Variants in MACROH2A2 observed in about 807,000 individuals in gnomAD.
MACROH2A2 encodes macroH2A.2 histone, also known as core histone macro-H2A.2.
Under a neutral mutation model 37.6 loss-of-function variants are expected in MACROH2A2, and 6 were observed. The ratio of observed to expected loss-of-function variants is 0.16; its 90% CI spans 0.09 to 0.32. The LOEUF (loss-of-function observed/expected upper bound fraction) is 0.32. Among genes scored for constraint, MACROH2A2 ranks in the 10% least tolerant of loss-of-function variants. The pLI is 1.00. For missense variants in MACROH2A2, 290 were observed against 485.9 expected, an observed-to-expected ratio of 0.60 and a Z score of 3.79; for synonymous variants, 192 against 202.7, an observed-to-expected ratio of 0.95 and a Z score of 0.45.
chr10:70,086,465 G>A (rs1045363486), intron 2 of MACROH2A2, among the ~76,000 whole-genome samples: 11 of 152,020 alleles, frequency 7.2e-5, no homozygotes, highest in East Asian at 1.9e-4. Context: ...CTTCAGTCTC[G>A]TCCTATGCTA....
intron 8 of MACROH2A2, among the ~76,000 whole-genome samples, chr10:70,110,913 G>A (rs1194098121): frequency 6.6e-6 from 1 of 151,766 alleles, no homozygotes. Flanking sequence ...TTTAAAAAAA[G>A]TATAATAAAA....
Position 70,091,778 on chromosome 10 carries a change from G to A in MACROH2A2, c.301G>A (p.Ala101Thr), listed in dbSNP as rs763894116. ...LNQLLKGVTI[A>T]SGGVLPRIHP... ...TCAGCTGCTAAAAGGAGTGACCATC[G>A]CCAGTGGAGGCGTCCTGCCCAGAAT... The change falls in exon 4 of 9, where the codon GCC becomes ACC. Residue 101 changes from alanine to threonine, a missense_variant. This residue lies in a region of MACROH2A2 where 83 missense variants were observed against 159.9 expected (regional missense o/e 0.52). Transcript: ENST00000373255. 11 of 1,613,456 alleles carry A rather than the reference G, an allele frequency of 6.8e-6. No individual in the cohort carries two copies. Among genetic ancestry groups the A allele is most frequent in the Admixed American group, 1.7e-5 (1 of 59,952 alleles).
intron 1 of MACROH2A2, among the ~76,000 whole-genome samples, chr10:70,066,550 C>G (rs1336879085): frequency 6.6e-6 from 1 of 152,104 alleles, no homozygotes; most frequent in Non-Finnish European, 1.5e-5. Flanking sequence ...GAGAATAACC[C>G]CTCTGCAAAC....
chr10:70,082,472 C>G (rs1649563591), intron 2 of MACROH2A2, among the ~76,000 whole-genome samples: 3 of 151,192 alleles, frequency 2.0e-5, no homozygotes, highest in South Asian at 2.1e-4. Flanking sequence ...AGGACGCAAA[C>G]AGATATTTGT....
Position 70,075,390 on chromosome 10 carries a change from G to GT in MACROH2A2, c.-59-209dup, listed in dbSNP as rs1461946403. On this transcript the variant is annotated intron_variant, in intron 1 of 8. Coordinates refer to ENST00000373255, the MANE Select transcript of MACROH2A2 (RefSeq NM_018649.3). The surrounding 1 kb of genome is among the most constrained non-coding windows in gnomAD (Gnocchi z 5.0). ...TTCCTCTTGAGGTCAGGCTGCTTTG[G>GT]TGGGGGAGGGATGTTTGTGGGTGGG... is the stretch of plus-strand genomic sequence containing the variant. 6.6e-6 allele frequency among the ~76,000 whole-genome samples: 1 copy of GT among 152,166 alleles called. No homozygotes were observed. The highest frequency in any genetic ancestry group is 2.4e-5 in the African/African-American group (1 of 41,438).
chr10:70,064,021 T>C (rs1341434517), intron 1 of MACROH2A2, among the ~76,000 whole-genome samples: 1 of 152,196 alleles, frequency 6.6e-6, no homozygotes. Context: ...TTCCAGCAAT[T>C]TGGTGTTTAG....
intron 1 of MACROH2A2, among the ~76,000 whole-genome samples, chr10:70,063,121 G>C (rs139168129): frequency 1.6e-3 from 243 of 152,244 alleles, no homozygotes; most frequent in African/African-American, 5.5e-3. Context: ...TTAAAATGTG[G>C]AAAAGTTGAG....
chr10:70,083,688 G>A (rs547439534), intron 2 of MACROH2A2, among the ~76,000 whole-genome samples: 1 of 151,548 alleles, frequency 6.6e-6, no homozygotes, highest in South Asian at 2.1e-4. Context: ...AGGTTCACAT[G>A]TGATCATGAT....
chr10:70,109,316 A>T, intron 8 of MACROH2A2, 109 bp downstream of exon 8: 1 of 910,110 alleles, frequency 1.1e-6, no homozygotes, highest in Non-Finnish European at 1.8e-6. Flanking sequence ...AGCACAGCCA[A>T]GTATGCTGAC....
intron 2 of MACROH2A2, among the ~76,000 whole-genome samples, chr10:70,089,102 C>T (rs1164570144): frequency 6.6e-6 from 1 of 151,996 alleles, no homozygotes; most frequent in Non-Finnish European, 1.5e-5. Context: ...AGCAAGACTC[C>T]GTCTCAACAA....
rs1418419177 is a variant in MACROH2A2, at chr10:70,095,633, CA to C, written c.589-20del. On this transcript the variant is annotated intron_variant, in intron 5 of 8. Coordinates refer to ENST00000373255, the MANE Select transcript of MACROH2A2 (RefSeq NM_018649.3). ...AGAATTTTATCTTTTCCACATTCACCACCTTTTCTTCCTAATGCAGCTGTCC... is the reference window on the plus strand; with the variant it reads ...AGAATTTTATCTTTTCCACATTCACCCCTTTTCTTCCTAATGCAGCTGTCC... 1 of 1,108,308 alleles carries C rather than the reference CA, an allele frequency of 9.0e-7. No homozygotes were observed. The highest frequency in any genetic ancestry group is 1.4e-6 in the Non-Finnish European group (1 of 727,338). 68.7% of individuals were successfully genotyped at this position (1,108,308 alleles called of 1,614,324 possible). A position where few individuals can be genotyped will look rare whatever the true frequency, so the allele number is the denominator to read the frequency against.
intron 1 of MACROH2A2, among the ~76,000 whole-genome samples, chr10:70,067,822 C>T (rs529126679): frequency 3.5e-4 from 53 of 152,222 alleles, no homozygotes; most frequent in African/African-American, 1.1e-3. Context: ...TACAGTATTA[C>T]TTCAAGTTTC....
At chr10:70,066,384 A>G (rs1352636910) in intron 1 of MACROH2A2, among the ~76,000 whole-genome samples, 1 of 152,230 alleles carries the variant, frequency 6.6e-6, no homozygotes, top group Non-Finnish European at 1.5e-5. Context: ...GAGTTACATC[A>G]GGTGGATACC....
intron 4 of MACROH2A2, among the ~76,000 whole-genome samples, chr10:70,092,583 CT>C: frequency 6.6e-6 from 1 of 152,312 alleles, no homozygotes; most frequent in East Asian, 1.9e-4. Flanking sequence ...TAGCAGACAC[CT>C]CTGAAGGACC....
rs140874851 is a variant in MACROH2A2, at chr10:70,110,791, A to G, written c.954-727A>G. 3.3e-4 allele frequency among the ~76,000 whole-genome samples: 51 copies of G among 152,336 alleles called. 1 individual carries two copies. In the East Asian group the frequency reaches 9.2e-3, roughly 28 times the overall value. ...TCCCAGCTACTGAGGAGGCTGAGGC[A>G]GAAGACAGATAGCTTGAGCCCAGAG... On this transcript the variant is annotated intron_variant, in intron 8 of 8. Coordinates refer to ENST00000373255, the MANE Select transcript of MACROH2A2 (RefSeq NM_018649.3).
chr10:70,104,135 G>A (rs1317743793), intron 7 of MACROH2A2, among the ~76,000 whole-genome samples: 1 of 152,196 alleles, frequency 6.6e-6, no homozygotes, highest in African/African-American at 2.4e-5. Context: ...GAGATGGTTC[G>A]CCACTGTCTA....
intron 8 of MACROH2A2, 49 bp downstream of exon 8, chr10:70,109,256 A>G (rs1478231172): frequency 1.3e-6 from 2 of 1,496,176 alleles, no homozygotes; most frequent in South Asian, 1.1e-5. Context: ...TTCCCTGGAA[A>G]TCAGCTGCTC....
chr10:70,079,171 G>A (rs1313321883), intron 2 of MACROH2A2, among the ~76,000 whole-genome samples: 1 of 152,140 alleles, frequency 6.6e-6, no homozygotes, highest in Non-Finnish European at 1.5e-5. Context: ...TCTAACAGAA[G>A]TGTTGTTAAG....
At chr10:70,068,556 C>T (rs1456378050) in intron 1 of MACROH2A2, among the ~76,000 whole-genome samples, 1 of 152,180 alleles carries the variant, frequency 6.6e-6, no homozygotes, top group African/African-American at 2.4e-5. Flanking sequence ...GACACTGCCA[C>T]CCTCATTTTC....
Sources: gnomAD v4.1 joint callset for allele counts (sites outside exome capture counted in the v4.1 genomes callset) on GRCh38, gnomAD v4.1.1 for gene constraint, gnomAD v4.1.1 regional missense constraint, Gnocchi (gnomAD v3.1) non-coding constraint, MANE v1.5 for transcripts, NCBI Gene and HGNC (gene_info 2026-07-23, HGNC 2026-07-21) for gene names.